The following PHACTR1 variants were observed in gnomAD, a reference collection of about 807,000 sequenced individuals.
The protein encoded by PHACTR1 is RPEL repeat containing 1.
Under a neutral mutation model 69.2 loss-of-function variants are expected in PHACTR1, and 16 were observed. That is an observed-to-expected ratio of 0.23 (90% CI 0.16 to 0.35). The LOEUF (loss-of-function observed/expected upper bound fraction) is 0.35. PHACTR1 is among the 10% of genes least tolerant of loss of function. The probability of loss-of-function intolerance (pLI) is 1.00; values close to 1 mark genes in which losing one functional copy is unlikely to be tolerated. For missense variants in PHACTR1, 510 were observed against 734.7 expected (o/e 0.69, Z 3.54); for synonymous variants, 312 against 284.5 (o/e 1.10, Z -0.97).
intron 4 of PHACTR1, among the ~76,000 whole-genome samples, chr6:12,847,826 T>C (rs1582069187): frequency 6.6e-6 from 1 of 152,306 alleles, no homozygotes; most frequent in East Asian, 1.9e-4. Flanking sequence ...CCAAAATTAA[T>C]TTTAAAAAAT....
chr6:12,866,282 TG>T (rs1252579362), intron 4 of PHACTR1, among the ~76,000 whole-genome samples: 9 of 152,280 alleles, frequency 5.9e-5, no homozygotes, highest in Admixed American at 3.3e-4. Context: ...GCAAACAGAT[TG>T]CATATATTAT....
chr6:12,996,382 C>A (rs1007742357), intron 4 of PHACTR1, among the ~76,000 whole-genome samples: 13 of 152,068 alleles, frequency 8.5e-5, no homozygotes, highest in Non-Finnish European at 5.9e-5. Flanking sequence ...ATTAGAAGGA[C>A]ACAGTTAACA....
chr6:13,010,056 A>G (rs1283258295), intron 4 of PHACTR1, among the ~76,000 whole-genome samples: 1 of 152,108 alleles, frequency 6.6e-6, no homozygotes, highest in East Asian at 1.9e-4. Flanking sequence ...CTTGGTTACA[A>G]ACTTCCACAC....
intron 4 of PHACTR1, among the ~76,000 whole-genome samples, chr6:12,759,055 C>T (rs1243976035): frequency 7.2e-6 from 1 of 139,324 alleles, no homozygotes; most frequent in African/African-American, 2.7e-5. Flanking sequence ...ACCTGGGAGG[C>T]AGAGGTTGCG....
chr6:12,983,689 C>T (rs1471932282), intron 4 of PHACTR1, among the ~76,000 whole-genome samples: 1 of 152,142 alleles, frequency 6.6e-6, no homozygotes, highest in African/African-American at 2.4e-5. Flanking sequence ...AATGCTACCC[C>T]TCCCCACTCC....
At chr6:13,019,064 A>AT (rs1262746267) in intron 4 of PHACTR1, among the ~76,000 whole-genome samples, 26 of 112,188 alleles carry the variant, frequency 2.3e-4, no homozygotes, top group Admixed American at 6.7e-4. Flanking sequence ...ATATATATAT[A>AT]TATATATATA....
chr6:12,815,182 A>G (rs1436242216), intron 4 of PHACTR1, among the ~76,000 whole-genome samples: 1 of 152,236 alleles, frequency 6.6e-6, no homozygotes. Flanking sequence ...AACAACCTGT[A>G]GATAACTGCT....
At chr6:12,892,509 CA>C (rs1784260011) in intron 4 of PHACTR1, among the ~76,000 whole-genome samples, 1 of 152,182 alleles carries the variant, frequency 6.6e-6, no homozygotes, top group African/African-American at 2.4e-5. Flanking sequence ...GACTCAACTG[CA>C]AAATCTTCAA....
rs553679093 is a variant in PHACTR1, at chr6:13,245,222, C to T, written c.1391+15029C>T. 1.3e-5 allele frequency among the ~76,000 whole-genome samples: 2 copies of T among 152,260 alleles called. No homozygotes were observed. Among genetic ancestry groups the T allele is most frequent in the African/African-American group, 4.8e-5 (2 of 41,530 alleles). On this transcript the variant is annotated intron_variant, in intron 10 of 14. Transcript: ENST00000332995. The surrounding 1 kb of genome is among the most constrained non-coding windows in gnomAD (Gnocchi z 4.1). The stretch of plus-strand genomic sequence containing the variant: ...CCCAGTAACGGGATTGCAAGGTCGA[C>T]GGGTAATTCTGTTTTAAGTTCTTTG...
intron 5 of PHACTR1, among the ~76,000 whole-genome samples, chr6:13,071,912 C>T (rs1459361044): frequency 6.6e-6 from 1 of 152,084 alleles, no homozygotes; most frequent in African/African-American, 2.4e-5. Context: ...ATTATATTTC[C>T]AGATGTTTCT....
chr6:12,946,708 G>A (rs904345800), intron 4 of PHACTR1, among the ~76,000 whole-genome samples: 12 of 151,778 alleles, frequency 7.9e-5, no homozygotes, highest in Non-Finnish European at 1.6e-4. Context: ...AAGTGGTATT[G>A]CAGAAAGAGA....
At chr6:12,754,070 C>A (rs529081363) in intron 4 of PHACTR1, among the ~76,000 whole-genome samples, 21 of 149,864 alleles carry the variant, frequency 1.4e-4, no homozygotes, top group African/African-American at 5.1e-4. Context: ...TCATGCCATT[C>A]TCCTGCCTCA....
At chr6:12,946,875 C>T (rs1460170445) in intron 4 of PHACTR1, among the ~76,000 whole-genome samples, 2 of 132,788 alleles carry the variant, frequency 1.5e-5, no homozygotes, top group African/African-American at 5.8e-5. Flanking sequence ...TGCAGTGGCA[C>T]AATCTCGGCT....
chr6:12,759,817 C>T (rs1166041197), intron 4 of PHACTR1, among the ~76,000 whole-genome samples: 1 of 152,152 alleles, frequency 6.6e-6, no homozygotes. Flanking sequence ...GGAGCAGTGA[C>T]AAAGACCATT....
chr6:13,185,465 G>GAAAAAA, intron 7 of PHACTR1, among the ~76,000 whole-genome samples: 1 of 142,202 alleles, frequency 7.0e-6, no homozygotes, highest in Non-Finnish European at 1.5e-5. Flanking sequence ...TTCTCTTAGG[G>GAAAAAA]AAAAAAAAAA....
At chr6:12,719,737 A>T (rs1761864847) in intron 3 of PHACTR1, among the ~76,000 whole-genome samples, 1 of 152,208 alleles carries the variant, frequency 6.6e-6, no homozygotes, top group African/African-American at 2.4e-5. Context: ...TTAGATGGTG[A>T]TGGGAACTTT....
At chr6:13,071,467 G>A (rs6910939) in intron 5 of PHACTR1, among the ~76,000 whole-genome samples, 4,538 of 152,136 alleles carry the variant, frequency 0.03, 211 homozygotes, top group African/African-American at 0.1. Context: ...CCCACATTGC[G>A]TGGTATTCTG....
intron 5 of PHACTR1, among the ~76,000 whole-genome samples, chr6:13,053,991 C>G (rs949831666): frequency 2.6e-5 from 4 of 151,886 alleles, no homozygotes; most frequent in Admixed American, 6.6e-5. Flanking sequence ...AGCAGGAAAA[C>G]AAAGAATACA....
intron 12 of PHACTR1, chr6:13,281,118 C>G: frequency 1.6e-6 from 2 of 1,289,394 alleles, no homozygotes; most frequent in Non-Finnish European, 2.0e-6. Context: ...AGCCCCTGAC[C>G]TGCAGCATTT....
Sources: gnomAD v4.1 joint callset for allele counts (sites outside exome capture counted in the v4.1 genomes callset) on GRCh38, gnomAD v4.1.1 for gene constraint, Gnocchi (gnomAD v3.1) non-coding constraint, MANE v1.5 for transcripts, NCBI Gene and HGNC (gene_info 2026-07-23, HGNC 2026-07-21) for gene names.